The following FARS2 variants were observed in gnomAD, a reference collection of about 807,000 sequenced individuals.
FARS2 encodes phenylalanine--tRNA ligase, mitochondrial.
A neutral mutation model predicts 46.4 loss-of-function variants in FARS2; 40 were observed. That is an observed-to-expected ratio of 0.86 (90% CI 0.67 to 1.12). FARS2 has a LOEUF of 1.12. Among genes scored for constraint, FARS2 ranks in the 50% most tolerant of loss-of-function variants. The pLI is 0.00. For missense variants in FARS2, 513 were observed against 567.9 expected (o/e 0.90, Z 0.98); for synonymous variants, 234 against 214.9 (o/e 1.09, Z -0.78).
At position 5,725,184 on chromosome 6, in the gene FARS2, A is replaced by G. The variant is rs534134475; in HGVS notation, c.1218-46107A>G. Among the ~76,000 whole-genome samples, 7 of 152,320 alleles carry G rather than the reference A, an allele frequency of 4.6e-5. No individual in the cohort carries two copies. In the South Asian group the frequency reaches 1.5e-3, roughly 32 times the overall value. ...CTGAGCAGCTTTCTTTAGTTGAAAG[A>G]GAGGGTTAGTGATGGCCAAATTCGT... On this transcript the variant is annotated intron_variant, in intron 6 of 6. Transcript: ENST00000274680.
rs553744181 is a variant in FARS2 at position 5,765,790 on chromosome 6, G to A, written c.1218-5501G>A. 6.6e-5 allele frequency among the ~76,000 whole-genome samples: 10 copies of A among 152,232 alleles called. No homozygotes were observed. Among genetic ancestry groups the A allele is most frequent in the Admixed American group, 2.0e-4 (3 of 15,296 alleles). Reference sequence around the variant, plus strand: ...GGACCTCAGCAGGCTGCTAACTCCCGGATGTGAGCTGGTTGAGGGCAGATA... The same window carrying A: ...GGACCTCAGCAGGCTGCTAACTCCCAGATGTGAGCTGGTTGAGGGCAGATA... On this transcript the variant is annotated intron_variant, in intron 6 of 6. Coordinates refer to ENST00000274680, the MANE Select transcript of FARS2 (RefSeq NM_006567.5). This position sits in a 1 kb window ranked among gnomAD's most constrained non-coding sequence, Gnocchi z 4.0.
intron 2 of FARS2, among the ~76,000 whole-genome samples, chr6:5,369,386 A>G (rs892512285): frequency 6.6e-6 from 1 of 152,100 alleles, no homozygotes; most frequent in Non-Finnish European, 1.5e-5. Flanking sequence ...AACTACAGAA[A>G]TTGGTAAGCC....
intron 2 of FARS2, among the ~76,000 whole-genome samples, chr6:5,391,680 A>C (rs1188389199): frequency 6.6e-6 from 1 of 152,038 alleles, no homozygotes; most frequent in Non-Finnish European, 1.5e-5. Context: ...TCACTTTGCC[A>C]CTTGTAGGAT....
Position 5,369,008 on chromosome 6 carries a change from G to C in FARS2, c.438G>C (p.Leu146=). 6.2e-7 allele frequency: 1 copy of C among 1,614,108 alleles called. No homozygotes were observed. ...GGAAGAAGGGGGACAACTATTACCT[G>C]AATCGGACTCACATGCTGAGAGCGC... The part of the protein sequence containing the change: ...PSRKKGDNYY[L]NRTHMLRAHT... Residue 146 remains leucine (L), a synonymous_variant, in exon 2 of 7, where the codon CTG becomes CTC. Transcript: ENST00000274680.
chr6:5,672,500 G>A (rs1778527957), intron 6 of FARS2, among the ~76,000 whole-genome samples: 1 of 152,156 alleles, frequency 6.6e-6, no homozygotes, highest in Non-Finnish European at 1.5e-5. Flanking sequence ...TGACTTTAAC[G>A]GGCAAGCTGT....
intron 2 of FARS2, among the ~76,000 whole-genome samples, chr6:5,393,048 T>A (rs1581971990): frequency 2.0e-5 from 3 of 151,726 alleles, no homozygotes; most frequent in Non-Finnish European, 4.4e-5. Context: ...GTGTGCTGCA[T>A]TTTGGGAATT....
chr6:5,428,276 A>G (rs994797672), intron 3 of FARS2, among the ~76,000 whole-genome samples: 1 of 152,194 alleles, frequency 6.6e-6, no homozygotes, highest in African/African-American at 2.4e-5. Context: ...GAACTCTTCC[A>G]TATTTATTTA....
intron 2 of FARS2, among the ~76,000 whole-genome samples, chr6:5,400,945 T>G (rs1761221024): frequency 6.6e-6 from 1 of 152,012 alleles, no homozygotes; most frequent in African/African-American, 2.4e-5. Context: ...GCTCGGTGTT[T>G]TTTTGCTTGA....
At chr6:5,301,362 G>T (rs939332973) in intron 1 of FARS2, among the ~76,000 whole-genome samples, 3 of 152,132 alleles carry the variant, frequency 2.0e-5, no homozygotes, top group Admixed American at 6.5e-5. Context: ...GAGGCAGGAG[G>T]ATCCTTTGAG....
intron 1 of FARS2, among the ~76,000 whole-genome samples, chr6:5,321,887 A>G (rs1169685697): frequency 2.0e-5 from 3 of 152,198 alleles, no homozygotes; most frequent in Non-Finnish European, 4.4e-5. Context: ...GGGTGTTATG[A>G]CACACACAGA....
intron 3 of FARS2, among the ~76,000 whole-genome samples, chr6:5,415,371 G>T (rs1222045243): frequency 2.2e-5 from 3 of 134,072 alleles, no homozygotes; most frequent in African/African-American, 8.5e-5. Context: ...CTGGAGTGCA[G>T]TGGTGTGATC....
intron 6 of FARS2, among the ~76,000 whole-genome samples, chr6:5,667,014 A>C (rs905618436): frequency 1.3e-5 from 2 of 152,178 alleles, no homozygotes; most frequent in Non-Finnish European, 2.9e-5. Context: ...TGGGAGCTAA[A>C]TGTTGCAAAC....
intron 6 of FARS2, among the ~76,000 whole-genome samples, chr6:5,745,260 A>G (rs1427036710): frequency 1.3e-5 from 2 of 152,256 alleles, no homozygotes; most frequent in Non-Finnish European, 2.9e-5. Context: ...TTCCAAGGCC[A>G]TTAGGAGGGA....
chr6:5,763,395 T>C (rs902566862), intron 6 of FARS2, among the ~76,000 whole-genome samples: 1 of 152,168 alleles, frequency 6.6e-6, no homozygotes, highest in South Asian at 2.1e-4. Flanking sequence ...GAGGCTGCAG[T>C]GAGCCATCAT....
chr6:5,300,115 G>C (rs924809921), intron 1 of FARS2, among the ~76,000 whole-genome samples: 5 of 152,150 alleles, frequency 3.3e-5, no homozygotes, highest in African/African-American at 7.2e-5. Flanking sequence ...TGAGTAGTTA[G>C]AGAAAGGATG....
At chr6:5,404,802 C>CTTT in intron 3 of FARS2, 101 bp downstream of exon 3, 1 of 591,922 alleles carries the variant, frequency 1.7e-6, no homozygotes, top group East Asian at 4.4e-5. Context: ...TTTTGAAATT[C>CTTT]TTTTTTTTTT....
chr6:5,434,506 T>C (rs1267899018), intron 4 of FARS2, among the ~76,000 whole-genome samples: 2 of 152,178 alleles, frequency 1.3e-5, no homozygotes, highest in Non-Finnish European at 2.9e-5. Flanking sequence ...GACTTTGCTA[T>C]TTGAATTTGA....
At chr6:5,533,160 C>G (rs1315021561) in intron 4 of FARS2, among the ~76,000 whole-genome samples, 1 of 152,072 alleles carries the variant, frequency 6.6e-6, no homozygotes, top group African/African-American at 2.4e-5. Context: ...TGCTGGTGCC[C>G]TGTATACAGT....
At chr6:5,769,931 G>T (rs1052653730) in intron 6 of FARS2, among the ~76,000 whole-genome samples, 1 of 152,190 alleles carries the variant, frequency 6.6e-6, no homozygotes, top group African/African-American at 2.4e-5. Context: ...AAGCCAGGGT[G>T]GGAGAGAGGG....
Sources: allele counts gnomAD v4.1 joint callset (sites outside exome capture counted in the v4.1 genomes callset), GRCh38; gene constraint gnomAD v4.1.1; non-coding constraint Gnocchi (gnomAD v3.1); transcripts MANE v1.5; gene names NCBI Gene and HGNC (gene_info 2026-07-23, HGNC 2026-07-21).